Variants in XYLT1 observed in about 807,000 individuals in gnomAD.
XYLT1 encodes xylosyltransferase 1.
XYLT1 carries 36 observed loss-of-function variants against 91.3 expected under a neutral mutation model. The ratio of observed to expected loss-of-function variants is 0.39; its 90% CI spans 0.30 to 0.52. XYLT1 has a LOEUF of 0.52. Ranked by LOEUF, XYLT1 falls within the 20% of genes least tolerant of loss-of-function variation. The pLI is 0.68. For missense variants in XYLT1, 1,242 were observed against 1,284.5 expected (o/e 0.97, Z 0.51); for synonymous variants, 588 against 532.0 (o/e 1.11, Z -1.45).
chr16:17,161,056 T>C (rs2031537096), intron 5 of XYLT1, among the ~76,000 whole-genome samples: 2 of 152,136 alleles, frequency 1.3e-5, no homozygotes, highest in African/African-American at 2.4e-5. Context: ...AGTGGGAGGA[T>C]TGAAGGGGCC....
At chr16:17,453,336 G>A (rs1596553966) in intron 1 of XYLT1, among the ~76,000 whole-genome samples, 1 of 152,306 alleles carries the variant, frequency 6.6e-6, no homozygotes, top group East Asian at 1.9e-4. Context: ...GTTGGCTTAG[G>A]AGAAGAACGG....
intron 5 of XYLT1, among the ~76,000 whole-genome samples, chr16:17,175,565 C>A (rs1414209180): frequency 2.0e-5 from 3 of 152,148 alleles, no homozygotes; most frequent in Non-Finnish European, 4.4e-5. Context: ...CCACTGGAGC[C>A]CGCAGGCGTG....
chr16:17,211,731 G>A (rs531830836), intron 3 of XYLT1, among the ~76,000 whole-genome samples: 7 of 152,160 alleles, frequency 4.6e-5, no homozygotes, highest in Non-Finnish European at 1.0e-4. Context: ...CAAGAATCTG[G>A]CATCCTCATC....
At chr16:17,254,119 G>A (rs920340389) in intron 3 of XYLT1, among the ~76,000 whole-genome samples, 1 of 152,196 alleles carries the variant, frequency 6.6e-6, no homozygotes, top group African/African-American at 2.4e-5. Flanking sequence ...AGTGTGACAA[G>A]GCAGTGTTGC....
In XYLT1 at chr16:17,172,629, A is replaced by G. The variant is rs568026930; in HGVS notation, c.1290-13720T>C. On this transcript the variant is annotated intron_variant, in intron 5 of 11. Transcript: ENST00000261381. ...TGGGATTACAAGCATCCACCACCAC[A>G]TCTGGCTAATTTTTGTACTTTTTAA... is the stretch of plus-strand genomic sequence containing the variant. Among the ~76,000 whole-genome samples the G allele has an allele frequency of 1.3e-3, 199 of 151,848 alleles. 1 individual carries two copies. The highest frequency in any genetic ancestry group is 2.4e-3 in the Non-Finnish European group (164 of 67,882).
chr16:17,136,211 C>T (rs558513501), intron 8 of XYLT1, among the ~76,000 whole-genome samples: 5 of 152,308 alleles, frequency 3.3e-5, no homozygotes, highest in African/African-American at 1.2e-4. Context: ...GAAAACTGAG[C>T]TCAGAGAGGC....
intron 1 of XYLT1, among the ~76,000 whole-genome samples, chr16:17,467,340 T>C (rs548661890): frequency 6.6e-6 from 1 of 152,342 alleles, no homozygotes; most frequent in African/African-American, 2.4e-5. Context: ...CTCCAAAATC[T>C]ATTCAGAACC....
At chr16:17,231,015 C>A (rs531982958) in intron 3 of XYLT1, among the ~76,000 whole-genome samples, 19 of 152,292 alleles carry the variant, frequency 1.2e-4, no homozygotes, top group East Asian at 7.7e-4. Context: ...CTAACAGAAT[C>A]CCACTTTGAT....
intron 3 of XYLT1, among the ~76,000 whole-genome samples, chr16:17,247,551 G>A (rs919437579): frequency 5.9e-5 from 9 of 152,098 alleles, no homozygotes; most frequent in South Asian, 2.1e-4. Flanking sequence ...ACTCAAATAC[G>A]GTATTTTATT....
chr16:17,434,407 C>T (rs1215128080), intron 1 of XYLT1, among the ~76,000 whole-genome samples: 1 of 152,254 alleles, frequency 6.6e-6, no homozygotes, highest in African/African-American at 2.4e-5. Flanking sequence ...CACACAATGC[C>T]TTTCTGTCTT....
At chr16:17,197,808 C>T (rs2032459663) in intron 5 of XYLT1, among the ~76,000 whole-genome samples, 1 of 152,304 alleles carries the variant, frequency 6.6e-6, no homozygotes, top group East Asian at 1.9e-4. Context: ...AGACTGGCTT[C>T]CTTGCTCCTC....
chr16:17,126,578 A>G (rs2030267921), intron 10 of XYLT1, among the ~76,000 whole-genome samples: 1 of 152,190 alleles, frequency 6.6e-6, no homozygotes, highest in Admixed American at 6.5e-5. Context: ...ACTGTCAAGG[A>G]AAATATAAGA....
intron 1 of XYLT1, among the ~76,000 whole-genome samples, chr16:17,374,972 G>T (rs1309167332): frequency 3.3e-5 from 5 of 152,170 alleles, no homozygotes; most frequent in African/African-American, 1.2e-4. Context: ...TGGGACTGAG[G>T]ATATGGGACG....
At chr16:17,286,421 T>C (rs185240394) in intron 2 of XYLT1, among the ~76,000 whole-genome samples, 1 of 152,282 alleles carries the variant, frequency 6.6e-6, no homozygotes, top group African/African-American at 2.4e-5. Flanking sequence ...GACTCACCAA[T>C]ATAAAGACCA....
intron 10 of XYLT1, 36 bp from the exon 11 acceptor site, chr16:17,118,015 C>G (rs1240828681): frequency 6.3e-7 from 1 of 1,582,262 alleles, no homozygotes; most frequent in Non-Finnish European, 8.6e-7. Context: ...GTCACTGGGC[C>G]TGAACTAGGG....
intron 1 of XYLT1, among the ~76,000 whole-genome samples, chr16:17,445,135 G>T (rs2036576571): frequency 6.6e-6 from 1 of 152,118 alleles, no homozygotes; most frequent in Non-Finnish European, 1.5e-5. Flanking sequence ...AAGTAGCTAG[G>T]ACCACAGGCA....
intron 3 of XYLT1, among the ~76,000 whole-genome samples, chr16:17,256,858 C>A (rs1318192615): frequency 6.6e-6 from 1 of 152,200 alleles, no homozygotes; most frequent in Non-Finnish European, 1.5e-5. Flanking sequence ...GAAAGCCCTT[C>A]CTCCCCAATT....
chr16:17,171,892 T>C (rs1020456961), intron 5 of XYLT1, among the ~76,000 whole-genome samples: 5 of 152,228 alleles, frequency 3.3e-5, no homozygotes, highest in Non-Finnish European at 5.9e-5. Flanking sequence ...CAATTTAACT[T>C]CCAGTTCTCC....
intron 3 of XYLT1, among the ~76,000 whole-genome samples, chr16:17,229,980 T>TA: frequency 6.6e-6 from 1 of 152,160 alleles, no homozygotes. Context: ...CACGTGCTGA[T>TA]AGAGGCAGGG....
Sources: gnomAD v4.1 joint callset for allele counts (sites outside exome capture counted in the v4.1 genomes callset) on GRCh38, gnomAD v4.1.1 for gene constraint, MANE v1.5 for transcripts, NCBI Gene and HGNC (gene_info 2026-07-23, HGNC 2026-07-21) for gene names.